Variants in MGST1 observed in about 807,000 individuals in gnomAD.
The protein encoded by MGST1 is glutathione S-transferase 12.
In MGST1, 5 loss-of-function variants were observed where a neutral mutation model predicts 8.9. The observed-to-expected ratio is 0.56, with a 90% CI of 0.29 to 1.19. The LOEUF is 1.19. MGST1 is among the 50% of genes most tolerant of loss of function. The pLI is 0.08. For synonymous variants in MGST1, 54 were observed against 67.8 expected (o/e 0.80, Z 1.00); for missense variants, 182 against 187.4 (o/e 0.97, Z 0.17).
rs1332162332 is a variant in MGST1 at position 16,482,685 on chromosome 12, GCAA to G, written n.482+99088_482+99090del. 1.3e-5 allele frequency among the ~76,000 whole-genome samples: 2 copies of G among 151,820 alleles called. No homozygotes were observed. Among genetic ancestry groups the G allele is most frequent in the South Asian group, 2.1e-4 (1 of 4,818 alleles). ...TAAAAATGCAAGAACATGTAAAAAT[GCAA>G]CAACAAGTTGATTGTTCTAGAGACA... On this transcript the variant is annotated intron_variant and non_coding_transcript_variant, in intron 4 of 4. Coordinates refer to the MGST1 transcript ENST00000538857. The surrounding 1 kb of genome is among the most constrained non-coding windows in gnomAD (Gnocchi z 4.2).
chr12:16,433,209 T>C (rs1940954941), intron 1 of MGST1, among the ~76,000 whole-genome samples: 1 of 152,038 alleles, frequency 6.6e-6, no homozygotes, highest in Non-Finnish European at 1.5e-5. Flanking sequence ...CTAATCTTTC[T>C]ACGTTCTTCT....
intron 4 of MGST1, among the ~76,000 whole-genome samples, chr12:16,581,696 A>T (rs887791257): frequency 6.6e-6 from 1 of 152,188 alleles, no homozygotes; most frequent in Non-Finnish European, 1.5e-5. Flanking sequence ...ATACTTATCT[A>T]GCAGGGAAGA....
rs115399883 is a variant in MGST1, at chr12:16,410,434, G to A, written n.778+26830G>A. On this transcript the variant is annotated intron_variant and non_coding_transcript_variant, in intron 1 of 1. Transcript: ENST00000359720. The surrounding 1 kb of genome is among the most constrained non-coding windows in gnomAD (Gnocchi z 4.4). ...CGAATTGCTGCAATAGCCCGTCTGT[G>A]TTTTCTAAATCTGCAAATATGATGC... Among the ~76,000 whole-genome samples the A allele has an allele frequency of 0.017, 2,576 of 151,886 alleles. 79 individuals carry two copies. The highest frequency in any genetic ancestry group is 0.059 in the African/African-American group (2,429 of 41,430).
intron 1 of MGST1, among the ~76,000 whole-genome samples, chr12:16,431,441 C>G (rs12422775): frequency 6.6e-6 from 1 of 151,908 alleles, no homozygotes; most frequent in Non-Finnish European, 1.5e-5. Flanking sequence ...ACTTAAAGTG[C>G]GAGATGTGCA....
intron 1 of MGST1, among the ~76,000 whole-genome samples, chr12:16,385,025 A>G (rs1247614303): frequency 1.3e-5 from 2 of 152,232 alleles, no homozygotes; most frequent in African/African-American, 4.8e-5. Flanking sequence ...AAGGGGAAAT[A>G]GTATCAGGTG....
chr12:16,484,395 CT>C (rs763527017), intron 4 of MGST1, among the ~76,000 whole-genome samples: 4 of 150,976 alleles, frequency 2.6e-5, no homozygotes, highest in Non-Finnish European at 5.9e-5. Context: ...GATAAAGAAT[CT>C]GTTTTTTGTT....
At chr12:16,541,386 C>T (rs1244071048) in intron 4 of MGST1, among the ~76,000 whole-genome samples, 1 of 152,082 alleles carries the variant, frequency 6.6e-6, no homozygotes, top group East Asian at 1.9e-4. Context: ...AGGTGAAATA[C>T]CCTTGAATGG....
chr12:16,442,237 G>A (rs565480076), downstream of MGST1, among the ~76,000 whole-genome samples: 1 of 148,086 alleles, frequency 6.8e-6, no homozygotes, highest in South Asian at 2.1e-4. The surrounding 1 kb of genome is among the most constrained non-coding windows in gnomAD (Gnocchi z 4.5). Context: ...TGTATCTTTT[G>A]CAAATATTTT....
At chr12:16,581,610 A>G (rs1180098040) in intron 4 of MGST1, among the ~76,000 whole-genome samples, 1 of 152,202 alleles carries the variant, frequency 6.6e-6, no homozygotes, top group African/African-American at 2.4e-5. Context: ...TTTCTTTCAC[A>G]ATGTTAAAAC....
Position 16,389,456 on chromosome 12 carries a change from C to T in MGST1, n.778+5852C>T, listed in dbSNP as rs1014359245. On this transcript the variant is annotated intron_variant and non_coding_transcript_variant, in intron 1 of 1. Coordinates refer to the MGST1 transcript ENST00000359720. This position sits in a 1 kb window ranked among gnomAD's most constrained non-coding sequence, Gnocchi z 4.6. Reference sequence around the variant, plus strand: ...TTGTCTTTTTTGTGATTCCATGGGTCGGGTCAAATTGACGGCACGGAACAT... The same window carrying T: ...TTGTCTTTTTTGTGATTCCATGGGTTGGGTCAAATTGACGGCACGGAACAT... Among the ~76,000 whole-genome samples the T allele has an allele frequency of 6.6e-6, 1 of 152,102 alleles. No individual in the cohort carries two copies. The highest frequency in any genetic ancestry group is 2.4e-5 in the African/African-American group (1 of 41,402).
intron 4 of MGST1, among the ~76,000 whole-genome samples, chr12:16,540,233 T>C (rs926014258): frequency 6.6e-6 from 1 of 152,192 alleles, no homozygotes; most frequent in Non-Finnish European, 1.5e-5. Flanking sequence ...TTCTCCACCC[T>C]TTTCTTTCCA....
chr12:16,502,415 C>T (rs2193184), intron 4 of MGST1, among the ~76,000 whole-genome samples: 125,730 of 152,040 alleles, frequency 0.83, 53,456 homozygotes, highest in East Asian at 0.96. Context: ...AAGATTTTTT[C>T]TGATGAAGTT....
chr12:16,486,941 C>T (rs1295670574), intron 4 of MGST1, among the ~76,000 whole-genome samples: 2 of 152,166 alleles, frequency 1.3e-5, no homozygotes, highest in Non-Finnish European at 2.9e-5. Context: ...GAGTGCTCTT[C>T]CAGGCCGCGA....
rs9332940 is a variant in MGST1 at position 16,362,328 on chromosome 12, CT to C, written c.222-1463del. On this transcript the variant is annotated intron_variant, in intron 3 of 3. Transcript: ENST00000396210. The surrounding 1 kb of genome is among the most constrained non-coding windows in gnomAD (Gnocchi z 4.4). ...CTTTGCTTTTATTCTGTATTGAAGC[CT>C]TTTCAAATCATTACTTAGCTGGGCT... 0.03 allele frequency among the ~76,000 whole-genome samples: 4,638 copies of C among 152,090 alleles called. 191 individuals carry two copies. Among genetic ancestry groups the C allele is most frequent in the African/African-American group, 0.09 (3,730 of 41,482 alleles).
At chr12:16,417,152 G>T (rs913434833) in intron 1 of MGST1, among the ~76,000 whole-genome samples, 2 of 152,154 alleles carry the variant, frequency 1.3e-5, no homozygotes, top group African/African-American at 4.8e-5. Context: ...AAGGGAAAGA[G>T]GTTTAATTGA....
In MGST1 at chr12:16,544,245, C is replaced by CACAG. The variant is rs1337927486; in HGVS notation, n.483-45280_483-45279insGACA. ...CTACACACACACACACACACACACA[C>CACAG]ACACACACACACACACACAAAACAT... On this transcript the variant is annotated intron_variant and non_coding_transcript_variant, in intron 4 of 4. Coordinates refer to the MGST1 transcript ENST00000538857. The surrounding 1 kb of genome is among the most constrained non-coding windows in gnomAD (Gnocchi z 4.8). 1.3e-5 allele frequency among the ~76,000 whole-genome samples: 2 copies of CACAG among 151,324 alleles called. No homozygotes were observed. The highest frequency in any genetic ancestry group is 4.9e-5 in the African/African-American group (2 of 41,176).
In MGST1 at chr12:16,410,620, A is replaced by G. The variant is rs1940734182; in HGVS notation, n.779-26768A>G. On this transcript the variant is annotated intron_variant and non_coding_transcript_variant, in intron 1 of 1. Coordinates refer to the MGST1 transcript ENST00000359720. The surrounding 1 kb of genome is among the most constrained non-coding windows in gnomAD (Gnocchi z 4.4). Reference sequence around the variant, plus strand: ...TAATGTTTATATATTACATATAAATATTAATATATGTATATGTAATACATA... The same window carrying G: ...TAATGTTTATATATTACATATAAATGTTAATATATGTATATGTAATACATA... 6.7e-6 allele frequency among the ~76,000 whole-genome samples: 1 copy of G among 148,252 alleles called. No homozygotes were observed. Among genetic ancestry groups the G allele is most frequent in the African/African-American group, 2.4e-5 (1 of 40,850 alleles).
chr12:16,437,635 C>A (rs1259961825), exon 2 of MGST1: 1 of 152,016 alleles, frequency 6.6e-6, no homozygotes, highest in East Asian at 1.9e-4. Context: ...GTCCAGGGCG[C>A]TTAGCATGGT....
chr12:16,386,062 A>G (rs1940501269), intron 1 of MGST1, among the ~76,000 whole-genome samples: 1 of 152,064 alleles, frequency 6.6e-6, no homozygotes, highest in Non-Finnish European at 1.5e-5. Context: ...AGGGCTACCC[A>G]GCTCTATTTC....
Sources: allele counts gnomAD v4.1 joint callset (sites outside exome capture counted in the v4.1 genomes callset), GRCh38; gene constraint gnomAD v4.1.1; non-coding constraint Gnocchi (gnomAD v3.1); transcripts MANE v1.5; gene names NCBI Gene and HGNC (gene_info 2026-07-23, HGNC 2026-07-21).